PRKCE: variants seen among roughly 807,000 people sequenced by gnomAD.
PRKCE encodes the protein protein kinase C epsilon type.
In PRKCE, 16 loss-of-function variants were observed where a neutral mutation model predicts 85.4. The ratio of observed to expected loss-of-function variants is 0.19; its 90% confidence interval spans 0.13 to 0.28. The LOEUF (loss-of-function observed/expected upper bound fraction) is 0.28, where lower values mean the gene tolerates loss of function less well. PRKCE is among the 10% of genes least tolerant of loss of function. The pLI, the probability that PRKCE is intolerant of heterozygous loss-of-function variation, is 1.00. For synonymous variants in PRKCE, 388 were observed against 371.5 expected (o/e 1.04, Z -0.51); for missense variants, 573 against 975.2 (o/e 0.59, Z 5.49).
chr2:45,945,413 C>G (rs964565630), intron 2 of PRKCE, among the ~76,000 whole-genome samples: 1 of 151,124 alleles, frequency 6.6e-6, no homozygotes, highest in Non-Finnish European at 1.5e-5. Context: ...CTCATGTGAA[C>G]TCAGAGTAAG....
intron 2 of PRKCE, among the ~76,000 whole-genome samples, chr2:45,956,554 A>T (rs1295499494): frequency 6.6e-6 from 1 of 151,990 alleles, no homozygotes; most frequent in Admixed American, 6.6e-5. Flanking sequence ...GTGTGGTGGC[A>T]TGCACCTGTA....
chr2:45,932,391 T>A (rs1391416487), intron 2 of PRKCE, among the ~76,000 whole-genome samples: 1 of 152,202 alleles, frequency 6.6e-6, no homozygotes, highest in Non-Finnish European at 1.5e-5. Context: ...TGTCTTCTGG[T>A]GAACAAATGT....
chr2:45,759,065 T>C (rs1274223391), intron 1 of PRKCE, among the ~76,000 whole-genome samples: 1 of 152,140 alleles, frequency 6.6e-6, no homozygotes, highest in Non-Finnish European at 1.5e-5. Context: ...ATTTAGTTAT[T>C]TATAGGTGAT....
intron 2 of PRKCE, among the ~76,000 whole-genome samples, chr2:45,959,908 A>T (rs1701265121): frequency 6.6e-6 from 1 of 151,868 alleles, no homozygotes; most frequent in Non-Finnish European, 1.5e-5. Flanking sequence ...TCCGGGTTTT[A>T]TTTGTTTGTT....
chr2:46,114,786 A>G (rs187954052), intron 11 of PRKCE, among the ~76,000 whole-genome samples: 4 of 152,274 alleles, frequency 2.6e-5, no homozygotes, highest in African/African-American at 9.6e-5. Context: ...ACTGTGCCTT[A>G]TGATTTAGTG....
intron 1 of PRKCE, among the ~76,000 whole-genome samples, chr2:45,682,272 T>G (rs2103949914): frequency 6.6e-6 from 1 of 152,352 alleles, no homozygotes; most frequent in East Asian, 1.9e-4. Flanking sequence ...ACATGATTTC[T>G]TACTCATTTT....
Position 46,165,690 on chromosome 2 carries a change from G to A in PRKCE, c.2067+5938G>A, listed in dbSNP as rs140310754. On this transcript the variant is annotated intron_variant, in intron 14 of 14. Transcript: ENST00000306156. ...TTGGTGTGGTTGAAGGGCATCATCT[G>A]ACCTTGCAGATCTTGGGGATGTTCT... Among the ~76,000 whole-genome samples the A allele has an allele frequency of 2.4e-3, 368 of 152,330 alleles. 1 individual carries two copies. The highest frequency in any genetic ancestry group is 8.4e-3 in the African/African-American group (350 of 41,578).
chr2:45,682,039 A>G (rs1676946617), intron 1 of PRKCE, among the ~76,000 whole-genome samples: 2 of 152,198 alleles, frequency 1.3e-5, no homozygotes, highest in Non-Finnish European at 2.9e-5. Flanking sequence ...TTTTATTTTA[A>G]TTATGAAATG....
At chr2:46,025,349 G>A (rs776352850) in intron 10 of PRKCE, among the ~76,000 whole-genome samples, 44 of 152,172 alleles carry the variant, frequency 2.9e-4, no homozygotes, top group Non-Finnish European at 3.2e-4. Flanking sequence ...GTATACATTA[G>A]ACAACCAGTA....
intron 2 of PRKCE, among the ~76,000 whole-genome samples, chr2:45,922,951 C>T (rs746307714): frequency 9.9e-5 from 15 of 152,152 alleles, no homozygotes; most frequent in Admixed American, 2.0e-4. Context: ...GATCATGTTT[C>T]GATATCCCTG....
upstream of PRKCE, chr2:45,651,630 T>A (rs902664279): frequency 1.9e-5 from 3 of 157,532 alleles, no homozygotes; most frequent in African/African-American, 7.3e-5. Flanking sequence ...CGCCCCCGGT[T>A]CTCGTCCCCG....
intron 1 of PRKCE, among the ~76,000 whole-genome samples, chr2:45,696,032 T>C (rs1678120531): frequency 6.6e-6 from 1 of 152,018 alleles, no homozygotes; most frequent in Admixed American, 6.6e-5. Context: ...GCTGGTGTAC[T>C]GCACCCATTA....
In PRKCE at chr2:45,976,390, C is replaced by G. The variant is rs1465414938; in HGVS notation, c.413-39C>G. On this transcript the variant is annotated intron_variant, in intron 2 of 14. Coordinates refer to ENST00000306156, the MANE Select transcript of PRKCE (RefSeq NM_005400.3). ...GAGCTCATTTTGAAGGTGCACTAAC[C>G]CAGACTCCGTTTTCTTCCCTGCTCT... The G allele has an allele frequency of 1.5e-5, 24 of 1,589,216 alleles. No homozygotes were observed. In the Admixed American group the frequency reaches 3.7e-4, roughly 25 times the overall value.
intron 1 of PRKCE, among the ~76,000 whole-genome samples, chr2:45,708,856 G>T (rs1031229020): frequency 2.0e-5 from 3 of 152,138 alleles, no homozygotes; most frequent in Non-Finnish European, 4.4e-5. Context: ...TGGTCTTGGG[G>T]GCCATGTGTT....
At chr2:45,941,611 AG>A (rs1699883387) in intron 2 of PRKCE, among the ~76,000 whole-genome samples, 1 of 152,098 alleles carries the variant, frequency 6.6e-6, no homozygotes, top group Non-Finnish European at 1.5e-5. Flanking sequence ...AACAAAGGGG[AG>A]GGGAGATTCA....
chr2:46,127,823 C>T (rs1232372872), intron 11 of PRKCE, among the ~76,000 whole-genome samples: 3 of 152,238 alleles, frequency 2.0e-5, no homozygotes, highest in African/African-American at 7.2e-5. Context: ...CTCACAGATA[C>T]AGTAGGCAAA....
chr2:45,725,088 TA>T (rs1381731616), intron 1 of PRKCE, among the ~76,000 whole-genome samples: 1 of 152,234 alleles, frequency 6.6e-6, no homozygotes, highest in African/African-American at 2.4e-5. Context: ...TCTCCCTTAT[TA>T]GGGGCTAACA....
rs200035093 is a variant in PRKCE, at chr2:45,831,532, A to AG, written c.349-11467dup. Among the ~76,000 whole-genome samples, 3 of 146,462 alleles carry AG rather than the reference A, an allele frequency of 2.0e-5. No homozygotes were observed. The East Asian group carries it at 5.9e-4, about 29-fold the overall frequency. On this transcript the variant is annotated intron_variant, in intron 1 of 14. Coordinates refer to ENST00000306156, the MANE Select transcript of PRKCE (RefSeq NM_005400.3). The stretch of plus-strand genomic sequence containing the variant: ...AAGAAATTGGCATTTTAGGTGTGTG[A>AG]GTTTTTTTGTAGTTGTAGAGAACAG...
intron 1 of PRKCE, among the ~76,000 whole-genome samples, chr2:45,796,002 C>A (rs536607772): frequency 6.6e-6 from 1 of 152,190 alleles, no homozygotes; most frequent in Non-Finnish European, 1.5e-5. Flanking sequence ...TACTCCCATC[C>A]TCCATCTCCC....
Sources: gnomAD v4.1 joint callset for allele counts (sites outside exome capture counted in the v4.1 genomes callset) on GRCh38, gnomAD v4.1.1 for gene constraint, MANE v1.5 for transcripts, NCBI Gene and HGNC (gene_info 2026-07-23, HGNC 2026-07-21) for gene names.